The following GCH1 variants were observed in gnomAD, a reference collection of about 807,000 sequenced individuals.
GCH1 encodes GTP cyclohydrolase 1.
In GCH1, 5 loss-of-function variants were observed where a neutral mutation model predicts 25.9. The ratio of observed to expected loss-of-function variants is 0.19; its 90% CI spans 0.10 to 0.41. GCH1 has a LOEUF of 0.41. Among genes scored for constraint, GCH1 ranks in the 10% least tolerant of loss-of-function variants. The pLI, the probability that GCH1 is intolerant of heterozygous loss-of-function variation, is 1.00. For missense variants in GCH1, 261 were observed against 336.5 expected (o/e 0.78, Z 1.75); for synonymous variants, 159 against 129.6 (o/e 1.23, Z -1.54).
At chr14:54,861,411 A>G (rs2039894514) in intron 2 of GCH1, among the ~76,000 whole-genome samples, 1 of 152,100 alleles carries the variant, frequency 6.6e-6, no homozygotes, top group African/African-American at 2.4e-5. Context: ...TGGTCTTAAG[A>G]TCCTAGGTAA....
At chr14:54,850,020 G>A (rs1354467951) in intron 3 of GCH1, among the ~76,000 whole-genome samples, 1 of 151,964 alleles carries the variant, frequency 6.6e-6, no homozygotes, top group Non-Finnish European at 1.5e-5. Context: ...TGTTGCCCAG[G>A]CTGGAGTGCA....
At chr14:54,851,940 A>G (rs2039737394) in intron 3 of GCH1, among the ~76,000 whole-genome samples, 1 of 152,246 alleles carries the variant, frequency 6.6e-6, no homozygotes, top group Admixed American at 6.5e-5. Flanking sequence ...TTATTGCAGC[A>G]CTACTCACAA....
intron 1 of GCH1, among the ~76,000 whole-genome samples, chr14:54,889,210 G>A (rs1030791296): frequency 6.6e-6 from 1 of 152,116 alleles, no homozygotes; most frequent in Non-Finnish European, 1.5e-5. Flanking sequence ...CAATTAGAGG[G>A]GTATGATCTA....
chr14:54,865,631 T>G (rs1259486617), intron 1 of GCH1, among the ~76,000 whole-genome samples, 195 bp from the exon 2 acceptor site: 1 of 152,186 alleles, frequency 6.6e-6, no homozygotes, highest in African/African-American at 2.4e-5. Context: ...TAAAAATCCT[T>G]GATACAGTGT....
intron 3 of GCH1, among the ~76,000 whole-genome samples, chr14:54,853,731 G>C: frequency 6.7e-6 from 1 of 148,814 alleles, no homozygotes; most frequent in Non-Finnish European, 1.5e-5. Flanking sequence ...AGTGAGATTT[G>C]CCTATCATTT....
chr14:54,867,485 G>A (rs2040004338), intron 1 of GCH1, among the ~76,000 whole-genome samples: 1 of 151,398 alleles, frequency 6.6e-6, no homozygotes, highest in African/African-American at 2.4e-5. Context: ...CTACTCGGGG[G>A]GCTGAGACAG....
intron 3 of GCH1, among the ~76,000 whole-genome samples, chr14:54,851,420 T>C (rs913545508): frequency 6.6e-6 from 1 of 152,136 alleles, no homozygotes; most frequent in Non-Finnish European, 1.5e-5. Flanking sequence ...GAAACTACCA[T>C]CACAGTGAAC....
intron 3 of GCH1, among the ~76,000 whole-genome samples, chr14:54,851,064 C>T (rs2039722891): frequency 6.6e-6 from 1 of 152,162 alleles, no homozygotes; most frequent in African/African-American, 2.4e-5. Context: ...GAACAGAGCC[C>T]TCAGAAATAA....
In GCH1 at chr14:54,842,931, T is replaced by G. The variant is rs1047348151; in HGVS notation, c.*1086A>C. ...GGAAACCGGGACCAGAAGCTTCCAGTGCATTTTCACAGATCGTTGGTACGA... is the reference window on the plus strand; with the variant it reads ...GGAAACCGGGACCAGAAGCTTCCAGGGCATTTTCACAGATCGTTGGTACGA... On this transcript the variant is annotated 3_prime_UTR_variant, in exon 6 of 6. Coordinates refer to ENST00000491895, the MANE Select transcript of GCH1 (RefSeq NM_000161.3). 12 of 644,106 alleles carry G rather than the reference T, an allele frequency of 1.9e-5. No individual in the cohort carries two copies. The African/African-American group carries it at 2.2e-4, about 12-fold the overall frequency. The allele number at this position is 644,106 out of a possible 1,614,324, so 39.9% of individuals were successfully genotyped here.
At chr14:54,855,145 G>A (rs2039789408) in intron 3 of GCH1, among the ~76,000 whole-genome samples, 1 of 152,182 alleles carries the variant, frequency 6.6e-6, no homozygotes, top group Admixed American at 6.5e-5. Context: ...AGGTAGCTAT[G>A]AAAAGAAACT....
Position 54,880,748 on chromosome 14 carries a change from TATACTCC to T in GCH1, c.344-15319_344-15313del, listed in dbSNP as rs1453295292. Among the ~76,000 whole-genome samples the T allele has an allele frequency of 4.4e-4, 30 of 68,016 alleles. 2 individuals are homozygous for T. Among genetic ancestry groups the T allele is most frequent in the East Asian group, 9.2e-4 (2 of 2,168 alleles). 44.6% of individuals were successfully genotyped at this position (68,016 alleles called of 152,430 possible). On this transcript the variant is annotated intron_variant, in intron 1 of 5. Coordinates refer to ENST00000491895, the MANE Select transcript of GCH1 (RefSeq NM_000161.3). ...TATATATATATATACTCCATATATA[TATACTCC>T]ATATATATATATATACTCCATATAT...
intron 1 of GCH1, among the ~76,000 whole-genome samples, chr14:54,897,010 G>GTTT (rs1303006172): frequency 7.0e-5 from 8 of 114,884 alleles, no homozygotes; most frequent in South Asian, 2.8e-4. Context: ...TCCACTTTTT[G>GTTT]TTTTTTTTTT....
chr14:54,875,418 G>T (rs2040143776), intron 1 of GCH1, among the ~76,000 whole-genome samples: 1 of 152,128 alleles, frequency 6.6e-6, no homozygotes, highest in South Asian at 2.1e-4. Flanking sequence ...CATGGGCAAG[G>T]ACTTCATGTC....
intron 1 of GCH1, among the ~76,000 whole-genome samples, chr14:54,884,116 C>A (rs573641437): frequency 6.6e-6 from 1 of 152,152 alleles, no homozygotes; most frequent in South Asian, 2.1e-4. Context: ...ATCTATCAAA[C>A]CATGACCTCA....
At chr14:54,879,059 CAATTCACTTCCTT>C (rs1442999085) in intron 1 of GCH1, among the ~76,000 whole-genome samples, 2 of 152,050 alleles carry the variant, frequency 1.3e-5, no homozygotes, top group African/African-American at 4.8e-5. Context: ...CACGCTGGAC[CAATTCACTTCCTT>C]AAAATACATT....
At chr14:54,871,322 G>C (rs1321909904) in intron 1 of GCH1, among the ~76,000 whole-genome samples, 4 of 152,130 alleles carry the variant, frequency 2.6e-5, no homozygotes, top group African/African-American at 9.7e-5. Context: ...AAACAAAAAA[G>C]ACATCCACAC....
At chr14:54,852,292 A>AAAAT (rs1243042393) in intron 3 of GCH1, among the ~76,000 whole-genome samples, 1 of 152,244 alleles carries the variant, frequency 6.6e-6, no homozygotes, top group African/African-American at 2.4e-5. Flanking sequence ...ATTAAACACT[A>AAAAT]AAATAAATGT....
chr14:54,877,732 G>A (rs1368418776), intron 1 of GCH1, among the ~76,000 whole-genome samples: 2 of 151,716 alleles, frequency 1.3e-5, no homozygotes, highest in Non-Finnish European at 2.9e-5. Flanking sequence ...TGAGCTCAAG[G>A]GATCTGCCTG....
chr14:54,873,743 A>G (rs1200615466), intron 1 of GCH1, among the ~76,000 whole-genome samples: 1 of 152,240 alleles, frequency 6.6e-6, no homozygotes, highest in East Asian at 1.9e-4. Context: ...TAGAAAATCT[A>G]GAAGACATGG....
Sources: gnomAD v4.1 joint callset for allele counts (sites outside exome capture counted in the v4.1 genomes callset) on GRCh38, gnomAD v4.1.1 for gene constraint, MANE v1.5 for transcripts, NCBI Gene and HGNC (gene_info 2026-07-23, HGNC 2026-07-21) for gene names.